NDUFAF6: variants seen among roughly 807,000 people sequenced by gnomAD.
The protein encoded by NDUFAF6 is NADH dehydrogenase (ubiquinone) complex I, assembly factor 6.
In NDUFAF6, 45 loss-of-function variants were observed where a neutral mutation model predicts 40.8. The ratio of observed to expected loss-of-function variants is 1.10; its 90% CI spans 0.87 to 1.42. The LOEUF is 1.42. Ranked by LOEUF, NDUFAF6 falls within the 40% of genes most tolerant of loss-of-function variation. The pLI is 0.00. For synonymous variants in NDUFAF6, 185 were observed against 155.9 expected, an observed-to-expected ratio of 1.19 and a Z score of -1.39; for missense variants, 435 against 418.5, an observed-to-expected ratio of 1.04 and a Z score of -0.34.
chr8:94,992,360 A>G (rs190319820), intron 2 of NDUFAF6, among the ~76,000 whole-genome samples: 95 of 152,178 alleles, frequency 6.2e-4, no homozygotes, highest in Non-Finnish European at 1.2e-3. Context: ...GGTGGTGTGC[A>G]CCTGCAGTCC....
intron 1 of NDUFAF6, among the ~76,000 whole-genome samples, chr8:94,959,766 C>T (rs1324834233): frequency 6.6e-6 from 1 of 152,156 alleles, no homozygotes; most frequent in East Asian, 1.9e-4. Flanking sequence ...TCTCGAATTC[C>T]TGGGCTCAAG....
intron 1 of NDUFAF6, among the ~76,000 whole-genome samples, chr8:94,905,531 G>A (rs539019566): frequency 6.6e-6 from 1 of 152,152 alleles, no homozygotes; most frequent in Admixed American, 6.5e-5. Flanking sequence ...ACCTCACTTG[G>A]GTGGGTTTCA....
intron 1 of NDUFAF6, among the ~76,000 whole-genome samples, chr8:94,909,391 G>A (rs1818610929): frequency 1.5e-5 from 1 of 64,746 alleles, no homozygotes; most frequent in African/African-American, 4.9e-5. Context: ...AACACTTCGG[G>A]AGGCCAAGGC....
downstream of NDUFAF6, among the ~76,000 whole-genome samples, chr8:95,076,588 C>T (rs1833021430): frequency 6.6e-6 from 1 of 152,172 alleles, no homozygotes; most frequent in South Asian, 2.1e-4. Flanking sequence ...TAAAATGACT[C>T]ATAGGCCGGG....
intron 4 of NDUFAF6, among the ~76,000 whole-genome samples, chr8:95,114,632 C>CT (rs1321124457): frequency 1.3e-5 from 2 of 152,216 alleles, no homozygotes; most frequent in African/African-American, 4.8e-5. Context: ...ATCTTGCTGA[C>CT]TTTCTGTATA....
At chr8:95,035,081 A>G (rs138270466) in intron 2 of NDUFAF6, among the ~76,000 whole-genome samples, 4,840 of 152,008 alleles carry the variant, frequency 0.032, 133 homozygotes, top group Non-Finnish European at 0.052. Context: ...GGGTTTCATC[A>G]TGTTAGCCAG....
At chr8:95,047,895 C>A (rs1002752512) in intron 6 of NDUFAF6, among the ~76,000 whole-genome samples, 20 of 151,952 alleles carry the variant, frequency 1.3e-4, no homozygotes, top group African/African-American at 4.8e-4. Flanking sequence ...TTTCATTCTA[C>A]CTACAACTTG....
chr8:95,078,027 C>T (rs1013934599), downstream of NDUFAF6, among the ~76,000 whole-genome samples: 1 of 152,064 alleles, frequency 6.6e-6, no homozygotes, highest in Non-Finnish European at 1.5e-5. Flanking sequence ...TGAACAGCAG[C>T]CACGGGACCA....
At chr8:94,920,594 G>A (rs1819432763) in intron 1 of NDUFAF6, among the ~76,000 whole-genome samples, 1 of 152,224 alleles carries the variant, frequency 6.6e-6, no homozygotes, top group Non-Finnish European at 1.5e-5. Context: ...GGGAACAAGG[G>A]GAGGGCTGGG....
intron 1 of NDUFAF6, among the ~76,000 whole-genome samples, chr8:94,911,465 T>C (rs1818774328): frequency 6.6e-6 from 1 of 152,378 alleles, no homozygotes; most frequent in East Asian, 1.9e-4. Flanking sequence ...TTAAAATAAA[T>C]GCAGAATGCG....
intron 2 of NDUFAF6, chr8:95,087,647 A>C (rs1231618995): frequency 6.6e-6 from 1 of 152,188 alleles, no homozygotes; most frequent in Non-Finnish European, 1.5e-5. Context: ...ATTTCTCACC[A>C]TTCTGTGCCT....
chr8:94,985,492 TATATATATATATATATATA>T (rs1825771687), intron 2 of NDUFAF6, among the ~76,000 whole-genome samples: 1 of 7,786 alleles, frequency 1.3e-4, no homozygotes, highest in Non-Finnish European at 3.3e-4. Context: ...TATATATATA[TATATATATATATATATATA>T]TATATTTTTT....
At chr8:95,066,210 CA>C (rs1044381446) in intron 9 of NDUFAF6, among the ~76,000 whole-genome samples, 1 of 150,816 alleles carries the variant, frequency 6.6e-6, no homozygotes, top group African/African-American at 2.4e-5. Context: ...CTCCTGAGCT[CA>C]AATGATCCTC....
At chr8:95,095,945 G>A (rs1246724666), upstream of NDUFAF6, among the ~76,000 whole-genome samples, 4 of 152,186 alleles carry the variant, frequency 2.6e-5, no homozygotes, top group Admixed American at 6.5e-5. Context: ...GATTACAGGC[G>A]TGAGCCACCG....
At chr8:95,118,039 T>C (rs1004519077), downstream of NDUFAF6, among the ~76,000 whole-genome samples, 2 of 152,234 alleles carry the variant, frequency 1.3e-5, no homozygotes, top group African/African-American at 2.4e-5. Flanking sequence ...CCGTCAGGTG[T>C]TGACTGGAGC....
chr8:95,067,734 C>T (rs1391831104), intron 9 of NDUFAF6: 1 of 152,022 alleles, frequency 6.6e-6, no homozygotes, highest in African/African-American at 2.4e-5. Flanking sequence ...CCTGACTCTC[C>T]ACTTGGCCTC....
intron 9 of NDUFAF6, among the ~76,000 whole-genome samples, chr8:95,072,294 C>G (rs936837126): frequency 2.6e-5 from 4 of 152,214 alleles, no homozygotes; most frequent in African/African-American, 9.7e-5. Context: ...AAGAACCTGA[C>G]TATCCTTTGT....
At chr8:95,004,610 A>G (rs1248757023) in intron 2 of NDUFAF6, among the ~76,000 whole-genome samples, 1 of 152,126 alleles carries the variant, frequency 6.6e-6, no homozygotes, top group African/African-American at 2.4e-5. Context: ...TTGGCCTCCA[A>G]AAGTGCTGGG....
intron 2 of NDUFAF6, among the ~76,000 whole-genome samples, chr8:95,087,140 G>A (rs921702012): frequency 4.6e-5 from 7 of 151,838 alleles, no homozygotes; most frequent in African/African-American, 1.2e-4. Flanking sequence ...AAAGCTTAAT[G>A]TGATGGATAC....
Sources: allele counts gnomAD v4.1 joint callset (sites outside exome capture counted in the v4.1 genomes callset), GRCh38; gene constraint gnomAD v4.1.1; transcripts MANE v1.5; gene names NCBI Gene and HGNC (gene_info 2026-07-23, HGNC 2026-07-21).